RTF2: variants seen among roughly 807,000 people sequenced by gnomAD.
RTF2 encodes replication termination factor 2.
RTF2 carries 18 observed loss-of-function variants against 38.0 expected under a neutral mutation model. The ratio of observed to expected loss-of-function variants is 0.47; its 90% CI spans 0.33 to 0.70. The LOEUF (loss-of-function observed/expected upper bound fraction) is 0.70, where lower values mean the gene tolerates loss of function less well. Among genes scored for constraint, RTF2 ranks in the 30% least tolerant of loss-of-function variants. The pLI, the probability that RTF2 is intolerant of heterozygous loss-of-function variation, is 0.02. For missense variants in RTF2, 311 were observed against 379.6 expected, an observed-to-expected ratio of 0.82 and a Z score of 1.50; for synonymous variants, 126 against 137.1, an observed-to-expected ratio of 0.92 and a Z score of 0.57.
rs113669133 is a variant in RTF2, at chr20:56,511,432, A to G, written c.478-1883A>G. Among the ~76,000 whole-genome samples the G allele has an allele frequency of 1.4e-3, 213 of 151,164 alleles. 1 individual carries two copies. The highest frequency in any genetic ancestry group is 3.4e-3 in the Middle Eastern group (1 of 294). ...TCCCAAAACCTTCCCCCAACCATCTATGGAAAGATTGTCTTCCATGAGACT... is the reference window on the plus strand; with the variant it reads ...TCCCAAAACCTTCCCCCAACCATCTGTGGAAAGATTGTCTTCCATGAGACT... On this transcript the variant is annotated intron_variant, in intron 5 of 8. Coordinates refer to ENST00000357348, the MANE Select transcript of RTF2 (RefSeq NM_016407.5).
Position 56,468,753 on chromosome 20 carries a change from A to T in RTF2, c.56A>T (p.Lys19Met). Residue 19 changes from lysine (K) to methionine (M), a missense_variant, in exon 1 of 9, where the codon AAG (lysine) becomes ATG (methionine). Transcript: ENST00000357348. ...AGGCATGAACTGGTGAAGGGGCCGA[A>T]GAAGGTTGAGAAGGTCAGTGATGTG... is the stretch of plus-strand genomic sequence containing the variant. ...PKRHELVKGP[K>M]KVEKVDKDAE... 6.3e-7 allele frequency: 1 copy of T among 1,582,512 alleles called. No homozygotes were observed. Among genetic ancestry groups the T allele is most frequent in the Non-Finnish European group, 8.6e-7 (1 of 1,164,476 alleles).
intron 3 of RTF2, among the ~76,000 whole-genome samples, chr20:56,475,748 A>C (rs911628665): frequency 3.3e-5 from 5 of 151,406 alleles, no homozygotes; most frequent in Non-Finnish European, 5.9e-5. Context: ...ATCTGATGAG[A>C]AAAAAAAACA....
At chr20:56,494,736 T>G (rs1983400652) in intron 5 of RTF2, among the ~76,000 whole-genome samples, 2 of 152,232 alleles carry the variant, frequency 1.3e-5, no homozygotes, top group Non-Finnish European at 2.9e-5. Context: ...TGATTTACAT[T>G]TTTTGTTTGT....
intron 5 of RTF2, chr20:56,496,543 G>A (rs956836489): frequency 1.9e-4 from 255 of 1,340,368 alleles, no homozygotes; most frequent in South Asian, 2.6e-4. Flanking sequence ...GTGAGACTCC[G>A]TCTCAAAATC....
chr20:56,471,949 G>T (rs1981994485), intron 1 of RTF2, among the ~76,000 whole-genome samples: 1 of 152,182 alleles, frequency 6.6e-6, no homozygotes, highest in African/African-American at 2.4e-5. Flanking sequence ...AGAGGGCCAG[G>T]TGTGTTGGCT....
At chr20:56,514,513 C>T (rs1984894140) in intron 6 of RTF2, among the ~76,000 whole-genome samples, 1 of 152,104 alleles carries the variant, frequency 6.6e-6, no homozygotes, top group South Asian at 2.1e-4. Context: ...TGCATTTTAC[C>T]AGTGCCAGTC....
chr20:56,496,197 A>G (rs6099171), intron 5 of RTF2, among the ~76,000 whole-genome samples: 57,094 of 152,008 alleles, frequency 0.38, 11,395 homozygotes, highest in Non-Finnish European at 0.45. Flanking sequence ...TGCAAAATGT[A>G]GAACATTTAC....
chr20:56,497,186 A>G lies in RTF2; in HGVS notation c.477+12997A>G, dbSNP rs753603623. 1.3e-5 allele frequency: 20 copies of G among 1,551,634 alleles called. 1 individual carries two copies. In the South Asian group the frequency reaches 2.1e-4, roughly 17 times the overall value. The stretch of plus-strand genomic sequence containing the variant: ...ACTTCATTGGGGCCTTTTCATCAAC[A>G]TGAATACAATAAACATTTTGAGGTA... On this transcript the variant is annotated intron_variant, in intron 5 of 8. Coordinates refer to ENST00000357348, the MANE Select transcript of RTF2 (RefSeq NM_016407.5).
chr20:56,481,076 A>G (rs1412499412), intron 4 of RTF2, among the ~76,000 whole-genome samples: 2 of 152,228 alleles, frequency 1.3e-5, no homozygotes, highest in East Asian at 1.9e-4. Context: ...GCAAAGCGCA[A>G]TAAAACAAGG....
intron 6 of RTF2, chr20:56,514,409 C>G (rs1984888215): frequency 6.6e-6 from 1 of 151,290 alleles, no homozygotes. Context: ...GTGATCAGAA[C>G]TAAGGCAAAA....
chr20:56,512,568 T>C (rs968924786), intron 5 of RTF2, among the ~76,000 whole-genome samples: 1 of 152,194 alleles, frequency 6.6e-6, no homozygotes, highest in Non-Finnish European at 1.5e-5. Context: ...ACCACAACAC[T>C]GTCAGGATGG....
chr20:56,472,118 G>A (rs1199771270), intron 1 of RTF2, among the ~76,000 whole-genome samples: 1 of 152,056 alleles, frequency 6.6e-6, no homozygotes, highest in Non-Finnish European at 1.5e-5. Context: ...CTACTTGGGA[G>A]GCTAAGGGGG....
chr20:56,471,990 C>T (rs6014741), intron 1 of RTF2, among the ~76,000 whole-genome samples: 121,654 of 152,188 alleles, frequency 0.8, 48,840 homozygotes, highest in East Asian at 0.99. Flanking sequence ...TTTGGGAGAT[C>T]GAGGCAGGAG....
At position 56,489,201 on chromosome 20, in the gene RTF2, G is replaced by A. The variant is rs758223747; in HGVS notation, c.477+5012G>A. 2.2e-3 allele frequency among the ~76,000 whole-genome samples: 321 copies of A among 148,482 alleles called. 1 individual carries two copies. Among genetic ancestry groups the A allele is most frequent in the Admixed American group, 3.8e-3 (56 of 14,674 alleles). ...CACCCGAGTAGCTGGGACTACAGGC[G>A]CCCACCACCATGCCTGGTTATTTTT... On this transcript the variant is annotated intron_variant, in intron 5 of 8. Transcript: ENST00000357348.
intron 5 of RTF2, among the ~76,000 whole-genome samples, chr20:56,504,995 G>A (rs1263552472): frequency 6.6e-6 from 1 of 152,222 alleles, no homozygotes; most frequent in African/African-American, 2.4e-5. Context: ...TTCAGGGGTT[G>A]TGGCATTCAT....
intron 4 of RTF2, among the ~76,000 whole-genome samples, chr20:56,482,343 A>G (rs896340696): frequency 1.3e-5 from 2 of 152,194 alleles, no homozygotes; most frequent in Non-Finnish European, 2.9e-5. Flanking sequence ...ACCTAATACA[A>G]TATAAATGCT....
chr20:56,504,808 C>T (rs1021031405), intron 5 of RTF2, among the ~76,000 whole-genome samples: 1 of 152,242 alleles, frequency 6.6e-6, no homozygotes, highest in Non-Finnish European at 1.5e-5. Flanking sequence ...GATTTCTTAT[C>T]TTCTATGTGC....
chr20:56,473,445 A>C, intron 2 of RTF2, 50 bp downstream of exon 2: 1 of 1,343,220 alleles, frequency 7.4e-7, no homozygotes, highest in Non-Finnish European at 1.1e-6. Context: ...GATTTTGAGA[A>C]TTTTGATGTG....
At chr20:56,506,041 G>A (rs967155200) in intron 5 of RTF2, among the ~76,000 whole-genome samples, 1 of 152,076 alleles carries the variant, frequency 6.6e-6, no homozygotes, top group Non-Finnish European at 1.5e-5. Context: ...TCACGTATGG[G>A]GATGTATATT....
Sources: allele counts gnomAD v4.1 joint callset (sites outside exome capture counted in the v4.1 genomes callset), GRCh38; gene constraint gnomAD v4.1.1; transcripts MANE v1.5; gene names NCBI Gene and HGNC (gene_info 2026-07-23, HGNC 2026-07-21).